DPP6: variants seen among roughly 807,000 people sequenced by gnomAD.
The protein encoded by DPP6 is dipeptidyl peptidase like 6.
In DPP6, 69 loss-of-function variants were observed where a neutral mutation model predicts 122.6. That is an observed-to-expected ratio of 0.56 (90% CI 0.46 to 0.69). The LOEUF is 0.69. DPP6 is among the 30% of genes least tolerant of loss of function. The probability of loss-of-function intolerance (pLI) is 0.00; values close to 1 mark genes in which losing one functional copy is unlikely to be tolerated. For synonymous variants in DPP6, 418 were observed against 433.1 expected (o/e 0.97, Z 0.43); for missense variants, 928 against 1,116.9 (o/e 0.83, Z 2.41).
chr7:153,973,706 G>A (rs969974884), intron 1 of DPP6, among the ~76,000 whole-genome samples: 5 of 145,714 alleles, frequency 3.4e-5, no homozygotes, highest in Middle Eastern at 3.8e-3. Flanking sequence ...GTCTCTTCTC[G>A]TATTGCTCCA....
intron 10 of DPP6, among the ~76,000 whole-genome samples, chr7:154,781,275 C>G (rs1797011931): frequency 6.6e-6 from 1 of 152,106 alleles, no homozygotes; most frequent in Non-Finnish European, 1.5e-5. Context: ...GACAACATGG[C>G]TTTACCCCCA....
chr7:154,420,196 G>A (rs572162889), intron 1 of DPP6, among the ~76,000 whole-genome samples: 19 of 152,280 alleles, frequency 1.2e-4, no homozygotes, highest in African/African-American at 3.1e-4. Flanking sequence ...AATTAGCTGG[G>A]CGTGGTGGCG....
the DPP6 span, among the ~76,000 whole-genome samples, chr7:153,749,260 C>T: frequency 1.3e-5 from 2 of 152,180 alleles, no homozygotes; most frequent in African/African-American, 4.8e-5. This position sits in a 1 kb window ranked among gnomAD's most constrained non-coding sequence, Gnocchi z 4.1. Flanking sequence ...CCGCCGGCCA[C>T]CCTGGGGCTG....
At chr7:153,788,469 T>C in the DPP6 span, among the ~76,000 whole-genome samples, 22 of 152,384 alleles carry the variant, frequency 1.4e-4, no homozygotes, top group African/African-American at 5.3e-4. Flanking sequence ...TTGCCCACTT[T>C]ATGCAATGCC....
In DPP6 at chr7:154,863,081, T is replaced by G. The variant is rs1037276660; in HGVS notation, c.1715-4914T>G. 2.0e-5 allele frequency among the ~76,000 whole-genome samples: 3 copies of G among 152,066 alleles called. No homozygotes were observed. The South Asian group carries it at 6.2e-4, about 32-fold the overall frequency. On this transcript the variant is annotated intron_variant, in intron 17 of 25. Transcript: ENST00000377770. This position sits in a 1 kb window ranked among gnomAD's most constrained non-coding sequence, Gnocchi z 4.1. Reference sequence around the variant, plus strand: ...GACTGGCTAATTTTTACATTTTTCTTTGGAGAGATCAGGTCTCCCTATGTT... The same window carrying G: ...GACTGGCTAATTTTTACATTTTTCTGTGGAGAGATCAGGTCTCCCTATGTT...
At chr7:154,340,399 G>T (rs1000098076) in intron 1 of DPP6, among the ~76,000 whole-genome samples, 2 of 152,140 alleles carry the variant, frequency 1.3e-5, no homozygotes, top group African/African-American at 4.8e-5. Context: ...TTGGGTCCTT[G>T]GTTCTTTGCT....
chr7:154,226,838 C>T (rs561865881), intron 1 of DPP6, among the ~76,000 whole-genome samples: 14 of 152,218 alleles, frequency 9.2e-5, no homozygotes, highest in Admixed American at 2.6e-4. Flanking sequence ...TTGTCAGTAA[C>T]GTGCCCTTGA....
At chr7:153,881,800 C>A in the DPP6 span, among the ~76,000 whole-genome samples, 2 of 152,148 alleles carry the variant, frequency 1.3e-5, no homozygotes, top group African/African-American at 4.8e-5. Flanking sequence ...GGCTCCAGGT[C>A]CTAATGGCTA....
intron 7 of DPP6, among the ~76,000 whole-genome samples, chr7:154,674,858 G>A (rs749695904): frequency 6.6e-6 from 1 of 152,160 alleles, no homozygotes; most frequent in Non-Finnish European, 1.5e-5. Flanking sequence ...TCACAGCCAT[G>A]CTTCACAGCT....
intron 1 of DPP6, among the ~76,000 whole-genome samples, chr7:154,070,181 T>A (rs1320847865): frequency 1.4e-5 from 2 of 144,944 alleles, no homozygotes; most frequent in East Asian, 3.9e-4. Context: ...AAAGTTTCCC[T>A]AGAGCTCCAT....
chr7:154,129,435 C>T (rs1380129464), intron 1 of DPP6, among the ~76,000 whole-genome samples: 1 of 152,204 alleles, frequency 6.6e-6, no homozygotes, highest in African/African-American at 2.4e-5. Flanking sequence ...ACCTCACCCT[C>T]CTAGCTCCTT....
At chr7:153,774,952 T>C in the DPP6 span, among the ~76,000 whole-genome samples, 1 of 151,588 alleles carries the variant, frequency 6.6e-6, no homozygotes, top group African/African-American at 2.4e-5. Context: ...GTGTTCTGGG[T>C]AACAGAGCAA....
At chr7:154,720,947 G>A (rs1251235127) in intron 7 of DPP6, among the ~76,000 whole-genome samples, 3 of 152,166 alleles carry the variant, frequency 2.0e-5, no homozygotes, top group Non-Finnish European at 2.9e-5. Flanking sequence ...GCAGAATGGG[G>A]CCAGCTGCTG....
At chr7:154,686,322 G>A (rs1839596490) in intron 7 of DPP6, among the ~76,000 whole-genome samples, 1 of 151,900 alleles carries the variant, frequency 6.6e-6, no homozygotes, top group African/African-American at 2.4e-5. Context: ...AAGTCTATGA[G>A]AAGCCTTTGA....
Position 154,483,868 on chromosome 7 carries a change from T to C in DPP6, c.457+8831T>C, listed in dbSNP as rs1409620663. ...CACCATCACGCCTAGCTAATTTTTG[T>C]ATTTTTAGCAGAGACAGGGTTTCCC... On this transcript the variant is annotated intron_variant, in intron 3 of 25. Coordinates refer to ENST00000377770, the MANE Select transcript of DPP6 (RefSeq NM_130797.4). The surrounding 1 kb of genome is among the most constrained non-coding windows in gnomAD (Gnocchi z 8.1). Among the ~76,000 whole-genome samples, 5 of 152,150 alleles carry C rather than the reference T, an allele frequency of 3.3e-5. No individual in the cohort carries two copies. The highest frequency in any genetic ancestry group is 1.2e-4 in the African/African-American group (5 of 41,438).
At chr7:153,956,081 C>T (rs980192831) in intron 1 of DPP6, among the ~76,000 whole-genome samples, 9 of 152,206 alleles carry the variant, frequency 5.9e-5, no homozygotes, top group Admixed American at 5.9e-4. Context: ...ATGGAGCAGA[C>T]ATTAACCAAG....
intron 17 of DPP6, among the ~76,000 whole-genome samples, chr7:154,855,477 G>C (rs1174003526): frequency 6.6e-6 from 1 of 152,204 alleles, no homozygotes; most frequent in African/African-American, 2.4e-5. Context: ...AGGTTCACCT[G>C]CTCCCAGGCT....
chr7:154,063,284 G>T lies in DPP6; in HGVS notation c.243+10221G>T, dbSNP rs1364763799. Among the ~76,000 whole-genome samples the T allele has an allele frequency of 1.5e-5, 2 of 130,382 alleles. 1 individual carries two copies. Among genetic ancestry groups the T allele is most frequent in the African/African-American group, 5.7e-5 (2 of 35,262 alleles). 85.5% of individuals were successfully genotyped at this position (130,382 alleles called of 152,430 possible). A position where few individuals can be genotyped will look rare whatever the true frequency, so the allele number is the denominator to read the frequency against. ...TCTTAGGACCCCCATCGCAGAGGGG[G>T]GAGGGACCCCCCATGAGGCGGGGAC... On this transcript the variant is annotated intron_variant, in intron 1 of 25. Transcript: ENST00000377770.
chr7:153,960,946 G>A (rs1424510689), intron 1 of DPP6, among the ~76,000 whole-genome samples: 7 of 152,192 alleles, frequency 4.6e-5, no homozygotes, highest in African/African-American at 1.7e-4. Context: ...AGGCCCATGT[G>A]TGGGGAAGGA....
Sources: gnomAD v4.1 joint callset for allele counts (sites outside exome capture counted in the v4.1 genomes callset) on GRCh38, gnomAD v4.1.1 for gene constraint, Gnocchi (gnomAD v3.1) non-coding constraint, MANE v1.5 for transcripts, NCBI Gene and HGNC (gene_info 2026-07-23, HGNC 2026-07-21) for gene names.